Variants in DLG2 observed in about 807,000 individuals in gnomAD.
DLG2 encodes discs large MAGUK scaffold protein 2.
Under a neutral mutation model 132.5 loss-of-function variants are expected in DLG2, and 45 were observed. The ratio of observed to expected loss-of-function variants is 0.34; its 90% confidence interval spans 0.27 to 0.44. The LOEUF is 0.44. Ranked by LOEUF, DLG2 falls within the 20% of genes least tolerant of loss-of-function variation. The probability of loss-of-function intolerance (pLI) is 1.00; values close to 1 mark genes in which losing one functional copy is unlikely to be tolerated. For synonymous variants in DLG2, 424 were observed against 419.6 expected (o/e 1.01, Z -0.13); for missense variants, 1,045 against 1,196.9 (o/e 0.87, Z 1.87).
chr11:85,486,934 G>T (rs1430390021), intron 3 of DLG2, among the ~76,000 whole-genome samples: 1 of 150,640 alleles, frequency 6.6e-6, no homozygotes, highest in African/African-American at 2.4e-5. Flanking sequence ...CCTAAACAAT[G>T]GTCCAACTAG....
intron 9 of DLG2, among the ~76,000 whole-genome samples, chr11:84,111,374 T>G (rs2093342028): frequency 6.6e-6 from 1 of 152,200 alleles, no homozygotes; most frequent in African/African-American, 2.4e-5. Context: ...TCCGTAAAAC[T>G]TCATTCATAA....
At chr11:84,501,777 A>G (rs935902936) in intron 7 of DLG2, among the ~76,000 whole-genome samples, 1 of 152,188 alleles carries the variant, frequency 6.6e-6, no homozygotes. Flanking sequence ...ATTATCTTCA[A>G]TGGTATGATA....
At chr11:85,270,518 A>T (rs1432848791) in intron 4 of DLG2, among the ~76,000 whole-genome samples, 1 of 152,230 alleles carries the variant, frequency 6.6e-6, no homozygotes, top group African/African-American at 2.4e-5. Flanking sequence ...AAAATGAGGA[A>T]GTGACTTTGG....
intron 6 of DLG2, among the ~76,000 whole-genome samples, chr11:84,598,439 T>C (rs2099568556): frequency 6.6e-6 from 1 of 152,146 alleles, no homozygotes; most frequent in Non-Finnish European, 1.5e-5. Context: ...GCAGCTAAGG[T>C]TGAAACACTG....
At chr11:84,374,413 A>G (rs1240158972) in intron 7 of DLG2, among the ~76,000 whole-genome samples, 3 of 152,260 alleles carry the variant, frequency 2.0e-5, no homozygotes, top group African/African-American at 7.2e-5. Context: ...CATGCAGTCC[A>G]GGATGGCTTT....
intron 6 of DLG2, among the ~76,000 whole-genome samples, chr11:84,678,293 C>G (rs772290702): frequency 6.6e-6 from 1 of 152,048 alleles, no homozygotes; most frequent in Non-Finnish European, 1.5e-5. Flanking sequence ...TAACTTTTTT[C>G]ACTGGATGTT....
intron 4 of DLG2, among the ~76,000 whole-genome samples, chr11:85,198,270 G>A (rs1238376927): frequency 6.6e-6 from 1 of 152,044 alleles, no homozygotes; most frequent in Non-Finnish European, 1.5e-5. Context: ...CAGACCTCTG[G>A]CCCTCCATTT....
intron 3 of DLG2, among the ~76,000 whole-genome samples, chr11:85,406,245 T>C (rs1279484845): frequency 6.6e-6 from 1 of 150,806 alleles, no homozygotes; most frequent in Non-Finnish European, 1.5e-5. Context: ...ATTTAACAAA[T>C]TCTCTCTGAC....
chr11:85,583,124 GTGTGTGTATATATATA>G (rs1413260820), intron 3 of DLG2, among the ~76,000 whole-genome samples: 213 of 41,048 alleles, frequency 5.2e-3, no homozygotes, highest in South Asian at 0.025. Flanking sequence ...GTGTGTGTGT[GTGTGTGTATATATATA>G]TATATATATA....
intron 9 of DLG2, among the ~76,000 whole-genome samples, chr11:84,152,651 G>T (rs1399409285): frequency 6.6e-6 from 1 of 152,084 alleles, no homozygotes; most frequent in African/African-American, 2.4e-5. Context: ...CCCCCAAAGT[G>T]CTGGGATTAC....
At chr11:83,877,516 T>A (rs190816878) in intron 15 of DLG2, among the ~76,000 whole-genome samples, 184 of 152,286 alleles carry the variant, frequency 1.2e-3, no homozygotes, top group African/African-American at 4.2e-3. Context: ...CATTACCTTA[T>A]AACTAATTAT....
intron 4 of DLG2, among the ~76,000 whole-genome samples, chr11:85,213,371 T>A (rs966540542): frequency 6.6e-6 from 1 of 151,226 alleles, no homozygotes; most frequent in Non-Finnish European, 1.5e-5. Flanking sequence ...ATTGGTTTAG[T>A]CCAGAAAGGC....
At chr11:83,580,144 A>G (rs1025348450) in intron 19 of DLG2, among the ~76,000 whole-genome samples, 5 of 151,616 alleles carry the variant, frequency 3.3e-5, no homozygotes, top group Non-Finnish European at 5.9e-5. Context: ...TCATCATACA[A>G]CTTTATTCAT....
At chr11:84,718,384 G>A (rs1400899845) in intron 6 of DLG2, among the ~76,000 whole-genome samples, 1 of 151,808 alleles carries the variant, frequency 6.6e-6, no homozygotes, top group Non-Finnish European at 1.5e-5. Flanking sequence ...AAAAGGAAGA[G>A]AACATAAAGA....
chr11:84,474,325 GCTAT>G (rs1330067029), intron 7 of DLG2, among the ~76,000 whole-genome samples: 2 of 152,144 alleles, frequency 1.3e-5, no homozygotes, highest in East Asian at 1.9e-4. Flanking sequence ...TAATTTTAAT[GCTAT>G]CTAATTTAAT....
chr11:83,898,481 A>G (rs923817021), intron 15 of DLG2, among the ~76,000 whole-genome samples: 10 of 152,090 alleles, frequency 6.6e-5, no homozygotes, highest in African/African-American at 2.4e-4. Flanking sequence ...TAATAAGGCT[A>G]TTGATAATGG....
At chr11:84,329,374 C>G (rs534101258) in intron 7 of DLG2, among the ~76,000 whole-genome samples, 234 of 152,188 alleles carry the variant, frequency 1.5e-3, no homozygotes, top group Non-Finnish European at 2.5e-3. Context: ...TGGGAGGGAC[C>G]TGGTGGGGGG....
chr11:83,738,637 A>G (rs2092224577), intron 18 of DLG2, among the ~76,000 whole-genome samples: 2 of 152,176 alleles, frequency 1.3e-5, no homozygotes, highest in Admixed American at 1.3e-4. Context: ...ACTATCACCA[A>G]AGTTGTCATA....
At chr11:83,706,449 C>A (rs901261643) in intron 18 of DLG2, among the ~76,000 whole-genome samples, 2 of 152,004 alleles carry the variant, frequency 1.3e-5, no homozygotes, top group Admixed American at 6.6e-5. Flanking sequence ...TACATAATAT[C>A]CCCCAACTCC....
Sources: allele counts gnomAD v4.1 joint callset (sites outside exome capture counted in the v4.1 genomes callset), GRCh38; gene constraint gnomAD v4.1.1; transcripts MANE v1.5; gene names NCBI Gene and HGNC (gene_info 2026-07-23, HGNC 2026-07-21).